The following MFSD6 variants were observed in gnomAD, a reference collection of about 807,000 sequenced individuals.
MFSD6 encodes the protein major facilitator superfamily domain containing 6, also known as major facilitator superfamily domain-containing protein 6.
MFSD6 carries 26 observed loss-of-function variants against 56.3 expected under a neutral mutation model. The ratio of observed to expected loss-of-function variants is 0.46; its 90% CI spans 0.34 to 0.64. MFSD6 has a LOEUF of 0.64. Among genes scored for constraint, MFSD6 ranks in the 30% least tolerant of loss-of-function variants. The pLI is 0.01. For missense variants in MFSD6, 750 were observed against 986.2 expected (o/e 0.76, Z 3.21); for synonymous variants, 331 against 366.9 (o/e 0.90, Z 1.12).
intron 2 of MFSD6, among the ~76,000 whole-genome samples, chr2:190,435,620 A>T (rs957618164): frequency 2.9e-5 from 4 of 138,018 alleles, no homozygotes; most frequent in African/African-American, 1.1e-4. Flanking sequence ...TTTGAACAGT[A>T]AAATCAAGAA....
chr2:190,471,205 A>G lies in MFSD6; in HGVS notation c.1630+1350A>G, dbSNP rs964815805. Among the ~76,000 whole-genome samples, 2 of 152,144 alleles carry G rather than the reference A, an allele frequency of 1.3e-5. No individual in the cohort carries two copies. The highest frequency in any genetic ancestry group is 2.9e-5 in the Non-Finnish European group (2 of 68,012). ...TGATTTCTGCATTTCCAACTGAGGT[A>G]CCGGGTTCATCTCACTGGGGATTGT... On this transcript the variant is annotated intron_variant, in intron 4 of 7. Transcript: ENST00000392328. The surrounding 1 kb of genome is among the most constrained non-coding windows in gnomAD (Gnocchi z 4.7).
chr2:190,484,327 C>A (rs968730078), intron 4 of MFSD6, among the ~76,000 whole-genome samples: 1 of 152,144 alleles, frequency 6.6e-6, no homozygotes, highest in African/African-American at 2.4e-5. Context: ...TTTACCCATG[C>A]CACTGAGTAA....
Position 190,425,877 on chromosome 2 carries a change from A to G in MFSD6, c.-53-10100A>G, listed in dbSNP as rs1319905548. On this transcript the variant is annotated intron_variant, in intron 2 of 7. Coordinates refer to ENST00000392328, the MANE Select transcript of MFSD6 (RefSeq NM_017694.4). The surrounding 1 kb of genome is among the most constrained non-coding windows in gnomAD (Gnocchi z 4.3). ...GACAATTCTTTTCTTTTAGCACTTA[A>G]AAAAAATTGTGCCACTTCCAGTGTC... Among the ~76,000 whole-genome samples the G allele has an allele frequency of 6.6e-6, 1 of 152,080 alleles. No individual in the cohort carries two copies. Among genetic ancestry groups the G allele is most frequent in the Non-Finnish European group, 1.5e-5 (1 of 67,994 alleles).
intron 2 of MFSD6, among the ~76,000 whole-genome samples, chr2:190,429,742 A>C (rs1414805394): frequency 6.6e-6 from 1 of 152,098 alleles, no homozygotes; most frequent in African/African-American, 2.4e-5. Flanking sequence ...TTTTCTTCTA[A>C]AAGCTATGTT....
intron 3 of MFSD6, among the ~76,000 whole-genome samples, chr2:190,444,460 C>CT (rs1480632832): frequency 6.6e-6 from 1 of 152,212 alleles, no homozygotes; most frequent in African/African-American, 2.4e-5. Context: ...AATGAGTGCT[C>CT]TGTAGCAGTG....
chr2:190,447,710 C>T lies in MFSD6; in HGVS notation c.1532+10149C>T, dbSNP rs1686634926. 6.6e-6 allele frequency among the ~76,000 whole-genome samples: 1 copy of T among 152,142 alleles called. No individual in the cohort carries two copies. Among genetic ancestry groups the T allele is most frequent in the Admixed American group, 6.5e-5 (1 of 15,272 alleles). ...TCCTTTCACATTTTACCTCCAAAGA[C>T]ATTGATACCCATTTCTGGAGGAAAA... On this transcript the variant is annotated intron_variant, in intron 3 of 7. Transcript: ENST00000392328. The surrounding 1 kb of genome is among the most constrained non-coding windows in gnomAD (Gnocchi z 4.5).
chr2:190,446,129 C>G (rs1455674574), intron 3 of MFSD6, among the ~76,000 whole-genome samples: 26 of 152,188 alleles, frequency 1.7e-4, no homozygotes, highest in Admixed American at 1.7e-3. Flanking sequence ...TTGCCACCAT[C>G]AAATGATCTT....
intron 4 of MFSD6, among the ~76,000 whole-genome samples, chr2:190,474,388 C>A (rs1219685284): frequency 1.3e-5 from 2 of 152,116 alleles, no homozygotes; most frequent in African/African-American, 2.4e-5. Flanking sequence ...GGGGATATCA[C>A]CACCGATCCC....
Position 190,423,208 on chromosome 2 carries a change from A to G in MFSD6, c.-54+7795A>G, listed in dbSNP as rs1188175361. Among the ~76,000 whole-genome samples, 1 of 152,212 alleles carries G rather than the reference A, an allele frequency of 6.6e-6. No homozygotes were observed. Among genetic ancestry groups the G allele is most frequent in the Non-Finnish European group, 1.5e-5 (1 of 68,032 alleles). ...ATAATAGCACCATTGACATTGAGGC[A>G]GTCAAGATACAGAACATTTCTCTCT... On this transcript the variant is annotated intron_variant, in intron 2 of 7. Transcript: ENST00000392328. The surrounding 1 kb of genome is among the most constrained non-coding windows in gnomAD (Gnocchi z 4.3).
chr2:190,483,403 G>C (rs535036178), intron 4 of MFSD6, among the ~76,000 whole-genome samples: 1 of 152,274 alleles, frequency 6.6e-6, no homozygotes, highest in African/African-American at 2.4e-5. Flanking sequence ...TCTGGACAAG[G>C]CATCTAATAT....
chr2:190,435,211 C>A (rs1297170418), intron 2 of MFSD6: 1 of 152,306 alleles, frequency 6.6e-6, no homozygotes, highest in East Asian at 1.9e-4. Context: ...ATTAGTTAAA[C>A]CTGCCATGCC....
intron 3 of MFSD6, among the ~76,000 whole-genome samples, chr2:190,455,161 A>G (rs893477581): frequency 2.6e-5 from 4 of 152,102 alleles, no homozygotes; most frequent in African/African-American, 9.7e-5. Flanking sequence ...TGTATACATT[A>G]GACACTAATA....
rs1689758682 is a variant in MFSD6, at chr2:190,497,377, T to A, written c.1892-62T>A. ...GATTCTTGGTTTATTTATTTATTTT[T>A]ACCTTTGTTCAAATATGTAGAAAAT... On this transcript the variant is annotated intron_variant, in intron 6 of 7. Coordinates refer to ENST00000392328, the MANE Select transcript of MFSD6 (RefSeq NM_017694.4). This position sits in a 1 kb window ranked among gnomAD's most constrained non-coding sequence, Gnocchi z 5.2. The A allele has an allele frequency of 3.9e-6, 6 of 1,545,468 alleles. No individual in the cohort carries two copies. The highest frequency in any genetic ancestry group is 5.3e-6 in the Non-Finnish European group (6 of 1,139,692).
At chr2:190,460,816 C>T (rs115163807) in intron 3 of MFSD6, among the ~76,000 whole-genome samples, 9 of 152,250 alleles carry the variant, frequency 5.9e-5, no homozygotes, top group African/African-American at 2.2e-4. Flanking sequence ...AGTGGGAGGA[C>T]TGAGAGCTAG....
chr2:190,428,908 A>G (rs774664180), intron 2 of MFSD6, among the ~76,000 whole-genome samples: 11 of 152,046 alleles, frequency 7.2e-5, no homozygotes, highest in Non-Finnish European at 1.3e-4. Context: ...CCTGGCTTCA[A>G]GTGATCCACC....
chr2:190,420,137 C>T (rs1421117420), intron 2 of MFSD6, among the ~76,000 whole-genome samples: 1 of 133,500 alleles, frequency 7.5e-6, no homozygotes, highest in Non-Finnish European at 1.6e-5. Context: ...GTTCATTGCC[C>T]ACTGTCTTAG....
rs1690783841 is a variant in MFSD6, at chr2:190,416,578, A to G, written c.-54+1165A>G. ...CATGAACATAAATTCATGAGCACAGATGGATGAAATACTAGCCTAGTTCAA... is the reference window on the plus strand; with the variant it reads ...CATGAACATAAATTCATGAGCACAGGTGGATGAAATACTAGCCTAGTTCAA... On this transcript the variant is annotated intron_variant, in intron 2 of 7. Transcript: ENST00000392328. The surrounding 1 kb of genome is among the most constrained non-coding windows in gnomAD (Gnocchi z 4.1). Among the ~76,000 whole-genome samples the G allele has an allele frequency of 6.6e-6, 1 of 152,236 alleles. No homozygotes were observed. Among genetic ancestry groups the G allele is most frequent in the Admixed American group, 6.5e-5 (1 of 15,282 alleles).
rs1435685823 is a variant in MFSD6, at chr2:190,447,503, A to AG, written c.1532+9943dup. ...ATCTTATACATATAGTCTGTGTCAT[A>AG]GCACATATGAAAAAATGACCTACCT... is the stretch of plus-strand genomic sequence containing the variant. On this transcript the variant is annotated intron_variant, in intron 3 of 7. Coordinates refer to ENST00000392328, the MANE Select transcript of MFSD6 (RefSeq NM_017694.4). This position sits in a 1 kb window ranked among gnomAD's most constrained non-coding sequence, Gnocchi z 4.5. 6.7e-6 allele frequency among the ~76,000 whole-genome samples: 1 copy of AG among 149,268 alleles called. No individual in the cohort carries two copies. The highest frequency in any genetic ancestry group is 1.9e-4 in the East Asian group (1 of 5,192).
chr2:190,409,604 A>G (rs1690471266), intron 1 of MFSD6, among the ~76,000 whole-genome samples: 2 of 152,244 alleles, frequency 1.3e-5, no homozygotes, highest in South Asian at 4.1e-4. Flanking sequence ...ATTTTCTAGA[A>G]ATCTAACCTC....
Sources: gnomAD v4.1 joint callset for allele counts (sites outside exome capture counted in the v4.1 genomes callset) on GRCh38, gnomAD v4.1.1 for gene constraint, Gnocchi (gnomAD v3.1) non-coding constraint, MANE v1.5 for transcripts, NCBI Gene and HGNC (gene_info 2026-07-23, HGNC 2026-07-21) for gene names.